The following KCTD7 variants were observed in gnomAD, a reference collection of about 807,000 sequenced individuals.
The protein encoded by KCTD7 is potassium channel tetramerization domain containing 7.
A neutral mutation model predicts 27.0 loss-of-function variants in KCTD7; 15 were observed. The ratio of observed to expected loss-of-function variants is 0.56; its 90% CI spans 0.37 to 0.86. The LOEUF (loss-of-function observed/expected upper bound fraction) is 0.86, where lower values mean the gene tolerates loss of function less well. KCTD7 is among the 40% of genes least tolerant of loss of function. KCTD7 has a pLI of 0.00. For synonymous variants in KCTD7, 159 were observed against 162.7 expected (o/e 0.98, Z 0.17); for missense variants, 299 against 398.9 (o/e 0.75, Z 2.13).
In KCTD7 at chr7:66,629,086, G is replaced by C. The variant is rs1308286439; in HGVS notation, c.22G>C (p.Glu8Gln). MVVVTGR[E>Q]PDSRRQDGAM... ...AGGGATGGTGGTAGTCACGGGGCGG[G>C]AGCCAGACAGCCGTCGTCAGGACGG... is the stretch of plus-strand genomic sequence containing the variant. The change falls in exon 1 of 4, where the codon GAG becomes CAG. Residue 8 changes from glutamate (E) to glutamine (Q), a missense_variant. Glu to Gln is a conservative substitution (Grantham distance 29). Coordinates refer to ENST00000639828, the MANE Select transcript of KCTD7 (RefSeq NM_153033.5). The C allele has an allele frequency of 8.5e-6, 13 of 1,532,500 alleles. No homozygotes were observed. The East Asian group carries it at 3.5e-4, about 41-fold the overall frequency. 94.9% of individuals were successfully genotyped at this position (1,532,500 alleles called of 1,614,324 possible). A position where few individuals can be genotyped will look rare whatever the true frequency, so the allele number is the denominator to read the frequency against.
rs537743017 is a variant in KCTD7, at chr7:66,629,011, G to C, written c.-54G>C. The C allele has an allele frequency of 1.8e-4, 265 of 1,468,618 alleles. 1 individual carries two copies. The South Asian group carries it at 3.0e-3, about 16-fold the overall frequency. 91.0% of individuals were successfully genotyped at this position (1,468,618 alleles called of 1,614,324 possible). The stretch of plus-strand genomic sequence containing the variant: ...CGCTGCTCGGCGGTAGGGAGTGCCC[G>C]GGGCCGCCGCCTCCGCCCGCCCGAA... On this transcript the variant is annotated 5_prime_UTR_variant, in exon 1 of 4. Coordinates refer to ENST00000639828, the MANE Select transcript of KCTD7 (RefSeq NM_153033.5).
At chr7:66,633,469 C>G (rs766971101) in intron 2 of KCTD7, 25 bp downstream of exon 2, 1 of 1,610,992 alleles carries the variant, frequency 6.2e-7, no homozygotes. Flanking sequence ...CTACAATCAA[C>G]TTTGTAGTCC....
In KCTD7 at chr7:66,629,109, C is replaced by T. The variant is rs751937729; in HGVS notation, c.45C>T (p.Asp15=). The change falls in exon 1 of 4, where the codon GAC becomes GAT. Residue 15 remains aspartate, a synonymous_variant. Transcript: ENST00000639828. ...TGREPDSRRQ[D]GAMSSSDAED... ...GGGAGCCAGACAGCCGTCGTCAGGACGGTGCCATGTCCAGCTCTGACGCCG... is the reference window on the plus strand; with the variant it reads ...GGGAGCCAGACAGCCGTCGTCAGGATGGTGCCATGTCCAGCTCTGACGCCG... The T allele has an allele frequency of 1.0e-5, 16 of 1,542,580 alleles. No homozygotes were observed. Among genetic ancestry groups the T allele is most frequent in the Non-Finnish European group, 1.4e-5 (16 of 1,147,098 alleles).
rs1171025553 is a variant in KCTD7 at position 66,629,184 on chromosome 7, C to T, written c.120C>T (p.His40=). The change falls in exon 1 of 4, where the codon CAC becomes CAT. Residue 40 remains histidine (H), a synonymous_variant. Coordinates refer to ENST00000639828, the MANE Select transcript of KCTD7 (RefSeq NM_153033.5). Reference sequence around the variant, plus strand: ...CGCCGACGGCCACGCAGGCGGGGCACGCGCTGCCCCTGCTGCCACAGGAGG... The same window carrying T: ...CGCCGACGGCCACGCAGGCGGGGCATGCGCTGCCCCTGCTGCCACAGGAGG... ...PATPTATQAG[H]ALPLLPQEFP... 2.0e-6 allele frequency: 3 copies of T among 1,499,084 alleles called. No individual in the cohort carries two copies. Among genetic ancestry groups the T allele is most frequent in the South Asian group, 1.3e-5 (1 of 78,504 alleles). 92.9% of individuals were successfully genotyped at this position (1,499,084 alleles called of 1,614,324 possible).
At chr7:66,629,245 G>GGGGCGCGGGGGAGAAGC (rs1202570289) in intron 1 of KCTD7, 37 bp downstream of exon 1, 8 of 1,284,270 alleles carry the variant, frequency 6.2e-6, no homozygotes, top group South Asian at 4.6e-5. Context: ...GGCGTGGGGA[G>GGGGCGCGGGGGAGAAGC]GGGCGCGGGG....
rs1400422293 is a variant in KCTD7, at chr7:66,639,245, G to A, written c.*13G>A. ...CACATGGTGGTGAGTAGCCCCGGTA[G>A]GCGAGAGTCCCATCAGGGAGGATGT... On this transcript the variant is annotated 3_prime_UTR_variant, in exon 4 of 4. Transcript: ENST00000639828. The A allele has an allele frequency of 6.2e-7, 1 of 1,608,080 alleles. No individual in the cohort carries two copies. The highest frequency in any genetic ancestry group is 8.5e-7 in the Non-Finnish European group (1 of 1,180,008).
chr7:66,636,057 A>T (rs1220614365), intron 2 of KCTD7, among the ~76,000 whole-genome samples: 1 of 152,238 alleles, frequency 6.6e-6, no homozygotes, highest in Non-Finnish European at 1.5e-5. Context: ...CGACATTCTT[A>T]CTTTGGCTGA....
At chr7:66,643,052 G>A, downstream of KCTD7, 1 of 985,370 alleles carries the variant, frequency 1.0e-6, no homozygotes. Context: ...CTAGAACCTG[G>A]GTGCTGTGCC....
At chr7:66,637,534 A>G (rs1786615126) in intron 2 of KCTD7, among the ~76,000 whole-genome samples, 2 of 152,232 alleles carry the variant, frequency 1.3e-5, no homozygotes, top group African/African-American at 2.4e-5. Context: ...ATAATAACTA[A>G]TAAAAACAAA....
chr7:66,638,024 C>G (rs1217457645), intron 2 of KCTD7, among the ~76,000 whole-genome samples: 3 of 152,168 alleles, frequency 2.0e-5, no homozygotes, highest in Non-Finnish European at 4.4e-5. Flanking sequence ...TATTGAGGCC[C>G]TACTCTGTGC....
In KCTD7 at chr7:66,639,548, T is replaced by A. The variant is rs1199949131; in HGVS notation, c.*316T>A. On this transcript the variant is annotated 3_prime_UTR_variant, in exon 4 of 4. Transcript: ENST00000639828. ...AGTCCCGAGAAGTTTTGTCACCTTC[T>A]TGACCTTGCAAGAGAGTTTCTGCCC... 2 of 1,367,918 alleles carry A rather than the reference T, an allele frequency of 1.5e-6. No individual in the cohort carries two copies. Among genetic ancestry groups the A allele is most frequent in the Non-Finnish European group, 1.9e-6 (2 of 1,056,964 alleles). The allele number at this position is 1,367,918 out of a possible 1,614,324, so 84.7% of individuals were successfully genotyped here. A position where few individuals can be genotyped will look rare whatever the true frequency, so the allele number is the denominator to read the frequency against.
At chr7:66,637,552 A>G (rs576763721) in intron 2 of KCTD7, among the ~76,000 whole-genome samples, 1 of 152,262 alleles carries the variant, frequency 6.6e-6, no homozygotes, top group African/African-American at 2.4e-5. Flanking sequence ...AAAAAAACAA[A>G]CTACTGGTTT....
Position 66,642,407 on chromosome 7 carries a change from T to C in KCTD7, c.*3175T>C, listed in dbSNP as rs935637314. ...TGTGCCTAAGGCTTATCAGGTGATA[T>C]AATCTTCCTGTTCTGGGCTGCTTGC... On this transcript the variant is annotated 3_prime_UTR_variant, in exon 4 of 4. Transcript: ENST00000639828. 7 of 985,304 alleles carry C rather than the reference T, an allele frequency of 7.1e-6. No individual in the cohort carries two copies. Among genetic ancestry groups the C allele is most frequent in the African/African-American group, 5.2e-5 (3 of 57,238 alleles). 61.0% of individuals were successfully genotyped at this position (985,304 alleles called of 1,614,324 possible).
rs923614735 is a variant in KCTD7 at position 66,639,652 on chromosome 7, A to G, written c.*420A>G. Reference sequence around the variant, plus strand: ...GTTCAAGCGTCCCTCCCTTGTGCTCAGTATATTGGTGTGAACACGGAACAT... The same window carrying G: ...GTTCAAGCGTCCCTCCCTTGTGCTCGGTATATTGGTGTGAACACGGAACAT... On this transcript the variant is annotated 3_prime_UTR_variant, in exon 4 of 4. Transcript: ENST00000639828. The G allele has an allele frequency of 2.3e-6, 3 of 1,320,210 alleles. No homozygotes were observed. Among genetic ancestry groups the G allele is most frequent in the Admixed American group, 6.7e-5 (2 of 29,894 alleles). The allele number at this position is 1,320,210 out of a possible 1,614,324, so 81.8% of individuals were successfully genotyped here.
intron 1 of KCTD7, among the ~76,000 whole-genome samples, chr7:66,632,075 TA>T (rs1383564117): frequency 6.6e-6 from 1 of 152,156 alleles, no homozygotes; most frequent in Non-Finnish European, 1.5e-5. Flanking sequence ...AACTCTGTCC[TA>T]GGGGCAGGTG....
At chr7:66,634,563 G>C (rs1324710648) in intron 2 of KCTD7, among the ~76,000 whole-genome samples, 1 of 152,132 alleles carries the variant, frequency 6.6e-6, no homozygotes, top group African/African-American at 2.4e-5. Context: ...AGACCAGGAA[G>C]TTGTCATCTG....
intron 1 of KCTD7, among the ~76,000 whole-genome samples, chr7:66,631,073 G>A (rs1331068199): frequency 3.3e-5 from 5 of 152,188 alleles, no homozygotes; most frequent in Admixed American, 2.6e-4. Flanking sequence ...GGGTGCAGAA[G>A]AGTAACAGTG....
chr7:66,641,122 T>G lies in KCTD7; in HGVS notation c.*1890T>G, dbSNP rs1179658222. The stretch of plus-strand genomic sequence containing the variant: ...AGATCTAAGAGGAAAGGATAGTCAT[T>G]CACGTTCTGAGATATGCGCTCTCTC... On this transcript the variant is annotated 3_prime_UTR_variant, in exon 4 of 4. Coordinates refer to ENST00000639828, the MANE Select transcript of KCTD7 (RefSeq NM_153033.5). 3.0e-6 allele frequency: 3 copies of G among 985,278 alleles called. No individual in the cohort carries two copies. The East Asian group carries it at 3.4e-4, about 112-fold the overall frequency. 61.0% of individuals were successfully genotyped at this position (985,278 alleles called of 1,614,324 possible).
Position 66,642,886 on chromosome 7 carries a change from C to G in KCTD7, c.*3654C>G. On this transcript the variant is annotated 3_prime_UTR_variant, in exon 4 of 4. Coordinates refer to ENST00000639828, the MANE Select transcript of KCTD7 (RefSeq NM_153033.5). The stretch of plus-strand genomic sequence containing the variant: ...TGAGTATGGGAACAGGCAGTCACCT[C>G]GAGTGTGGGAGGTCACCTGGGTCCG... 1.0e-6 allele frequency: 1 copy of G among 985,384 alleles called. No homozygotes were observed. Among genetic ancestry groups the G allele is most frequent in the Non-Finnish European group, 1.2e-6 (1 of 830,010 alleles). The allele number at this position is 985,384 out of a possible 1,614,324, so 61.0% of individuals were successfully genotyped here.
Sources: allele counts gnomAD v4.1 joint callset (sites outside exome capture counted in the v4.1 genomes callset), GRCh38; gene constraint gnomAD v4.1.1; transcripts MANE v1.5; gene names NCBI Gene and HGNC (gene_info 2026-07-23, HGNC 2026-07-21).